MAGOH: variants seen among roughly 807,000 people sequenced by gnomAD.
MAGOH encodes protein mago nashi homolog.
A neutral mutation model predicts 20.9 loss-of-function variants in MAGOH; 3 were observed. That is an observed-to-expected ratio of 0.14 (90% CI 0.07 to 0.37). MAGOH has a LOEUF of 0.37. Ranked by LOEUF, MAGOH falls within the 10% of genes least tolerant of loss-of-function variation. MAGOH has a pLI of 1.00. For missense variants in MAGOH, 66 were observed against 178.1 expected (o/e 0.37, Z 3.58); for synonymous variants, 51 against 61.0 (o/e 0.84, Z 0.76).
At chr1:53,230,593 G>T (rs1184650276) in intron 3 of MAGOH, among the ~76,000 whole-genome samples, 2 of 143,500 alleles carry the variant, frequency 1.4e-5, no homozygotes, top group East Asian at 4.0e-4. Flanking sequence ...AATTTTTAGG[G>T]TTTTTTTTTT....
At chr1:53,233,491 G>A (rs1324572966) in intron 3 of MAGOH, 51 bp downstream of exon 3, 3 of 1,264,138 alleles carry the variant, frequency 2.4e-6, no homozygotes, top group East Asian at 4.6e-5. Flanking sequence ...GGGAGTGTGG[G>A]GGGTCTTATT....
In MAGOH at chr1:53,238,501, C is replaced by T; in HGVS notation, c.-53G>A. ...CTTCCAAGAGCAAGCCGCACTGCCG[C>T]CGTCTGCGCCCGACACTGACGTTTG... On this transcript the variant is annotated 5_prime_UTR_variant, in exon 1 of 5. Transcript: ENST00000371470. 1.3e-6 allele frequency: 2 copies of T among 1,505,144 alleles called. No individual in the cohort carries two copies. Among genetic ancestry groups the T allele is most frequent in the Non-Finnish European group, 1.9e-6 (2 of 1,080,898 alleles). The allele number at this position is 1,505,144 out of a possible 1,614,324, so 93.2% of individuals were successfully genotyped here. A position where few individuals can be genotyped will look rare whatever the true frequency, so the allele number is the denominator to read the frequency against.
At chr1:53,230,738 C>G (rs1645582306) in intron 3 of MAGOH, among the ~76,000 whole-genome samples, 1 of 152,106 alleles carries the variant, frequency 6.6e-6, no homozygotes, top group East Asian at 1.9e-4. Context: ...TGCACCTGGC[C>G]TAGACGTGGT....
chr1:53,232,307 T>C (rs972149798), intron 3 of MAGOH, among the ~76,000 whole-genome samples: 5 of 152,234 alleles, frequency 3.3e-5, no homozygotes, highest in Admixed American at 3.3e-4. Context: ...ACATTATTAT[T>C]GAGCTTTTAC....
Position 53,226,920 on chromosome 1 carries a change from T to A in MAGOH, c.*125A>T. 1 of 616,158 alleles carries A rather than the reference T, an allele frequency of 1.6e-6. No homozygotes were observed. The highest frequency in any genetic ancestry group is 2.1e-5 in the South Asian group (1 of 48,352). 38.2% of individuals were successfully genotyped at this position (616,158 alleles called of 1,614,324 possible). A position where few individuals can be genotyped will look rare whatever the true frequency, so the allele number is the denominator to read the frequency against. The stretch of plus-strand genomic sequence containing the variant: ...ACATGTTCAGGTCTTTATAAAATAA[T>A]AAAAATTGGATTTTATCACATATTT... On this transcript the variant is annotated 3_prime_UTR_variant, in exon 5 of 5. Coordinates refer to ENST00000371470, the MANE Select transcript of MAGOH (RefSeq NM_002370.4).
chr1:53,229,074 C>G, intron 3 of MAGOH, 120 bp from the exon 4 acceptor site: 1 of 679,124 alleles, frequency 1.5e-6, no homozygotes, highest in Non-Finnish European at 2.7e-6. Context: ...AAAACAAGGG[C>G]AGTTCACTCT....
chr1:53,232,870 G>A (rs1213668700), intron 3 of MAGOH, among the ~76,000 whole-genome samples: 1 of 152,212 alleles, frequency 6.6e-6, no homozygotes, highest in Non-Finnish European at 1.5e-5. Context: ...GGAGGGTAAG[G>A]CAGGCGGATC....
chr1:53,230,213 T>C (rs1645579538), intron 3 of MAGOH, among the ~76,000 whole-genome samples: 1 of 152,244 alleles, frequency 6.6e-6, no homozygotes, highest in South Asian at 2.1e-4. Flanking sequence ...TTTTGATTCA[T>C]ATATCCTTTT....
At chr1:53,231,368 T>A (rs1645585443) in intron 3 of MAGOH, among the ~76,000 whole-genome samples, 1 of 152,214 alleles carries the variant, frequency 6.6e-6, no homozygotes, top group Admixed American at 6.5e-5. Context: ...TATCTTGCCA[T>A]CTTTTGTCAA....
intron 3 of MAGOH, among the ~76,000 whole-genome samples, chr1:53,230,380 G>C (rs899337819): frequency 6.6e-6 from 1 of 151,912 alleles, no homozygotes; most frequent in Non-Finnish European, 1.5e-5. Flanking sequence ...CCTGTATCCC[G>C]ATTTGTTCCA....
intron 2 of MAGOH, 37 bp from the exon 3 acceptor site, chr1:53,233,689 C>G (rs746811793): frequency 7.6e-7 from 1 of 1,322,012 alleles, no homozygotes; most frequent in East Asian, 2.3e-5. Flanking sequence ...TATGTTGTAT[C>G]CTTAAGCAGT....
Position 53,237,738 on chromosome 1 carries a change from A to AG in MAGOH, c.88+622dup, listed in dbSNP as rs201523011. On this transcript the variant is annotated intron_variant, in intron 1 of 4. Coordinates refer to ENST00000371470, the MANE Select transcript of MAGOH (RefSeq NM_002370.4). ...TTTTACCGTGGTCTATAAAGACCTA[A>AG]GAGGTGCCGCTCCTACCTACCTATC... Among the ~76,000 whole-genome samples the AG allele has an allele frequency of 8.3e-3, 1,239 of 149,180 alleles. 20 individuals are homozygous for AG. The highest frequency in any genetic ancestry group is 0.029 in the African/African-American group (1,183 of 40,886).
At chr1:53,233,489 G>C in intron 3 of MAGOH, 53 bp downstream of exon 3, 1 of 1,240,098 alleles carries the variant, frequency 8.1e-7, no homozygotes, top group Non-Finnish European at 1.2e-6. Flanking sequence ...GAGGGAGTGT[G>C]GGGGGTCTTA....
intron 2 of MAGOH, among the ~76,000 whole-genome samples, chr1:53,234,193 C>G (rs1645600120): frequency 6.6e-6 from 1 of 152,094 alleles, no homozygotes; most frequent in South Asian, 2.1e-4. Flanking sequence ...AAAAACAAGG[C>G]ACAGTTGTGG....
At chr1:53,232,303 T>C (rs1167482396) in intron 3 of MAGOH, among the ~76,000 whole-genome samples, 2 of 152,230 alleles carry the variant, frequency 1.3e-5, no homozygotes, top group Non-Finnish European at 2.9e-5. Flanking sequence ...AAATACATTA[T>C]TATTGAGCTT....
chr1:53,236,153 A>G (rs1035760399), intron 1 of MAGOH, among the ~76,000 whole-genome samples: 2 of 152,222 alleles, frequency 1.3e-5, no homozygotes, highest in Non-Finnish European at 2.9e-5. Flanking sequence ...TGACAGATTA[A>G]TGGTGGGGAT....
Position 53,238,362 on chromosome 1 carries a change from G to T in MAGOH, c.87C>A (p.Asp29Glu), listed in dbSNP as rs1344644205. 1.2e-6 allele frequency: 2 copies of T among 1,614,064 alleles called. No individual in the cohort carries two copies. The highest frequency in any genetic ancestry group is 8.5e-7 in the Non-Finnish European group (1 of 1,179,930). Residue 29 changes from aspartate to glutamate, a missense_variant and splice_region_variant, in exon 1 of 5, where the codon GAC (aspartate) becomes GAA (glutamate). Transcript: ENST00000371470. ...CGGCGGGCGGCAGGCTGCTTTTACC[G>T]TCCGGTCGAAACTCAAACTCCAGGA... Reference protein sequence around the residue: ...HEFLEFEFRPDGKLRYANNSN... With the variant: ...HEFLEFEFRPEGKLRYANNSN...
At chr1:53,238,179 G>A (rs939909902) in intron 1 of MAGOH, among the ~76,000 whole-genome samples, 182 bp downstream of exon 1, 1 of 152,208 alleles carries the variant, frequency 6.6e-6, no homozygotes, top group Non-Finnish European at 1.5e-5. Flanking sequence ...TTCAGTCAAC[G>A]TTTGCTGAAT....
chr1:53,234,107 C>T (rs1459258976), intron 2 of MAGOH, among the ~76,000 whole-genome samples: 2 of 152,166 alleles, frequency 1.3e-5, no homozygotes, highest in Non-Finnish European at 2.9e-5. Flanking sequence ...TAGGAGAGAG[C>T]TTAAGGGAAC....
Sources: gnomAD v4.1 joint callset for allele counts (sites outside exome capture counted in the v4.1 genomes callset) on GRCh38, gnomAD v4.1.1 for gene constraint, MANE v1.5 for transcripts, NCBI Gene and HGNC (gene_info 2026-07-23, HGNC 2026-07-21) for gene names.